PCDH9: variants seen among roughly 807,000 people sequenced by gnomAD.
PCDH9 encodes the protein protocadherin-9.
PCDH9 carries 24 observed loss-of-function variants against 70.6 expected under a neutral mutation model. The ratio of observed to expected loss-of-function variants is 0.34; its 90% CI spans 0.25 to 0.48. PCDH9 has a LOEUF of 0.48. PCDH9 is among the 20% of genes least tolerant of loss of function. PCDH9 has a pLI of 0.99. For synonymous variants in PCDH9, 562 were observed against 558.5 expected (o/e 1.01, Z -0.09); for missense variants, 1,281 against 1,503.6 (o/e 0.85, Z 2.45).
At chr13:67,001,796 AG>A (rs1302794441) in intron 2 of PCDH9, 1 of 152,192 alleles carries the variant, frequency 6.6e-6, no homozygotes, top group Admixed American at 6.5e-5. Flanking sequence ...TAGCTATATT[AG>A]GCTTCTTTAG....
At chr13:66,938,745 G>T (rs1323910) in intron 2 of PCDH9, among the ~76,000 whole-genome samples, 29,655 of 152,040 alleles carry the variant, frequency 0.2, 3,259 homozygotes, top group East Asian at 0.54. Context: ...GAAGGCCAGA[G>T]AATTATTTTT....
intron 3 of PCDH9, among the ~76,000 whole-genome samples, chr13:66,837,317 T>C (rs1296048278): frequency 6.6e-6 from 1 of 152,178 alleles, no homozygotes; most frequent in Non-Finnish European, 1.5e-5. Flanking sequence ...CCACGAGTGT[T>C]AATTCCCTTG....
chr13:66,423,643 A>G (rs763309899), intron 4 of PCDH9, among the ~76,000 whole-genome samples: 1 of 152,210 alleles, frequency 6.6e-6, no homozygotes, highest in South Asian at 2.1e-4. Flanking sequence ...CATGCTAAAA[A>G]CACTCAATAA....
At chr13:67,069,533 T>C (rs2085717575) in intron 2 of PCDH9, among the ~76,000 whole-genome samples, 1 of 152,130 alleles carries the variant, frequency 6.6e-6, no homozygotes, top group Non-Finnish European at 1.5e-5. Context: ...TAGGATTACG[T>C]CAGCCTCAAA....
intron 2 of PCDH9, among the ~76,000 whole-genome samples, chr13:66,988,337 T>A (rs769029666): frequency 3.3e-5 from 5 of 152,038 alleles, no homozygotes; most frequent in Non-Finnish European, 7.4e-5. Flanking sequence ...TAACAAAATA[T>A]CACTTTTGGC....
At chr13:67,047,231 T>A (rs1273055758) in intron 2 of PCDH9, among the ~76,000 whole-genome samples, 1 of 152,200 alleles carries the variant, frequency 6.6e-6, no homozygotes, top group Non-Finnish European at 1.5e-5. Flanking sequence ...AGCTCCACTG[T>A]GATGAAATCT....
chr13:66,940,086 G>C (rs2082983622), intron 2 of PCDH9, among the ~76,000 whole-genome samples: 1 of 152,012 alleles, frequency 6.6e-6, no homozygotes, highest in African/African-American at 2.4e-5. Flanking sequence ...GCAAAAACGG[G>C]CAAGAAATAA....
chr13:66,477,835 A>C (rs917698960), intron 4 of PCDH9, among the ~76,000 whole-genome samples: 2 of 152,192 alleles, frequency 1.3e-5, no homozygotes, highest in African/African-American at 4.8e-5. Context: ...TAAATTGTAC[A>C]AACTTGGCTT....
chr13:66,772,693 A>C (rs1047704960), intron 3 of PCDH9, among the ~76,000 whole-genome samples: 1 of 152,152 alleles, frequency 6.6e-6, no homozygotes, highest in Non-Finnish European at 1.5e-5. Flanking sequence ...TTTTAATAAA[A>C]TAAAAAATAA....
intron 2 of PCDH9, among the ~76,000 whole-genome samples, chr13:67,167,315 C>T (rs1301307033): frequency 6.6e-6 from 1 of 152,052 alleles, no homozygotes; most frequent in African/African-American, 2.4e-5. Context: ...TCTGTTTCCC[C>T]TAATTTAAAA....
chr13:66,688,590 T>C (rs2078438120), intron 3 of PCDH9, among the ~76,000 whole-genome samples: 1 of 152,150 alleles, frequency 6.6e-6, no homozygotes, highest in Admixed American at 6.6e-5. Flanking sequence ...AAAAAGAGTA[T>C]GGGAGAGTTA....
chr13:66,997,424 G>A (rs1257277054), intron 2 of PCDH9, among the ~76,000 whole-genome samples: 1 of 152,146 alleles, frequency 6.6e-6, no homozygotes, highest in African/African-American at 2.4e-5. Context: ...ATTACCAGGA[G>A]GACAGCACCA....
chr13:66,737,078 G>C (rs1180327787), intron 3 of PCDH9, among the ~76,000 whole-genome samples: 3 of 152,098 alleles, frequency 2.0e-5, no homozygotes, highest in African/African-American at 7.2e-5. Context: ...AAATAATGTG[G>C]AGTTAATAAA....
intron 3 of PCDH9, among the ~76,000 whole-genome samples, chr13:66,757,856 C>A (rs1475812116): frequency 6.6e-6 from 1 of 151,896 alleles, no homozygotes; most frequent in Admixed American, 6.6e-5. Flanking sequence ...TATAATAGAG[C>A]AAGATCTTCC....
intron 4 of PCDH9, among the ~76,000 whole-genome samples, chr13:66,552,831 A>G (rs1961549372): frequency 6.6e-6 from 1 of 152,154 alleles, no homozygotes; most frequent in Non-Finnish European, 1.5e-5. Flanking sequence ...TGGGTAATTT[A>G]TAAAGGAAAG....
chr13:66,415,607 T>G (rs551630108), intron 4 of PCDH9, among the ~76,000 whole-genome samples: 1 of 152,308 alleles, frequency 6.6e-6, no homozygotes, highest in South Asian at 2.1e-4. Context: ...CTTATCCTTC[T>G]CTGTCTTCCT....
At chr13:66,402,082 C>A (rs1957198203) in intron 4 of PCDH9, among the ~76,000 whole-genome samples, 1 of 152,100 alleles carries the variant, frequency 6.6e-6, no homozygotes, top group Non-Finnish European at 1.5e-5. Context: ...GCAAATCTTT[C>A]TTTCTGCTTG....
intron 2 of PCDH9, among the ~76,000 whole-genome samples, chr13:67,154,595 A>AAAC (rs1555313195): frequency 1.1e-5 from 1 of 88,990 alleles, no homozygotes; most frequent in Non-Finnish European, 2.1e-5. Context: ...AAAAAAAAAA[A>AAAC]ATATATATAT....
At chr13:66,740,182 A>T (rs1207784346) in intron 3 of PCDH9, among the ~76,000 whole-genome samples, 1 of 144,372 alleles carries the variant, frequency 6.9e-6, no homozygotes, top group Non-Finnish European at 1.5e-5. Context: ...CAGGATTAAG[A>T]ATTTCACTCA....
Sources: gnomAD v4.1 joint callset for allele counts (sites outside exome capture counted in the v4.1 genomes callset) on GRCh38, gnomAD v4.1.1 for gene constraint, MANE v1.5 for transcripts, NCBI Gene and HGNC (gene_info 2026-07-23, HGNC 2026-07-21) for gene names.